The following VOPP1 variants were observed in gnomAD, a reference collection of about 807,000 sequenced individuals.
The protein encoded by VOPP1 is WW domain binding protein VOPP1.
VOPP1 carries 8 observed loss-of-function variants against 23.5 expected under a neutral mutation model. The observed-to-expected ratio is 0.34, with a 90% CI of 0.20 to 0.61. The LOEUF is 0.61. VOPP1 is among the 20% of genes least tolerant of loss of function. The pLI, the probability that VOPP1 is intolerant of heterozygous loss-of-function variation, is 0.78. For synonymous variants in VOPP1, 83 were observed against 97.3 expected (o/e 0.85, Z 0.86); for missense variants, 174 against 238.1 (o/e 0.73, Z 1.77).
downstream of VOPP1, among the ~76,000 whole-genome samples, chr7:55,435,084 C>T (rs1009830547): frequency 2.0e-5 from 3 of 152,230 alleles, no homozygotes; most frequent in African/African-American, 4.8e-5. Context: ...CTCTGCGCCG[C>T]GACTTCTATG....
intron 1 of VOPP1, among the ~76,000 whole-genome samples, chr7:55,571,392 C>T (rs1357233914): frequency 6.6e-6 from 1 of 152,220 alleles, no homozygotes; most frequent in Non-Finnish European, 1.5e-5. Context: ...GCATGGGATT[C>T]ATTACCTATT....
intron 2 of VOPP1, among the ~76,000 whole-genome samples, chr7:55,504,228 C>A (rs1794558166): frequency 6.6e-6 from 1 of 152,208 alleles, no homozygotes; most frequent in African/African-American, 2.4e-5. Flanking sequence ...CCAGCTAACC[C>A]TGCTTTTTAC....
chr7:55,435,278 C>T (rs1273394590), downstream of VOPP1, among the ~76,000 whole-genome samples: 1 of 152,116 alleles, frequency 6.6e-6, no homozygotes, highest in Non-Finnish European at 1.5e-5. Context: ...GGTGTGTGAC[C>T]CGAAAAAGGT....
At chr7:55,474,392 G>A (rs2129008567) in intron 4 of VOPP1, among the ~76,000 whole-genome samples, 1 of 152,318 alleles carries the variant, frequency 6.6e-6, no homozygotes, top group South Asian at 2.1e-4. Flanking sequence ...TAAAAAGAGG[G>A]CATTGCAACA....
chr7:55,543,459 G>A (rs1252306993), intron 1 of VOPP1, among the ~76,000 whole-genome samples: 3 of 152,154 alleles, frequency 2.0e-5, no homozygotes, highest in Admixed American at 6.5e-5. Context: ...AGATCATAAG[G>A]TAGTTCCATA....
At chr7:55,487,952 A>G (rs929978908) in intron 4 of VOPP1, among the ~76,000 whole-genome samples, 2 of 152,218 alleles carry the variant, frequency 1.3e-5, no homozygotes, top group Non-Finnish European at 2.9e-5. Context: ...CAGTTCCTAA[A>G]GAGCAGGGAG....
At chr7:55,440,281 T>C (rs924856364) in intron 4 of VOPP1, among the ~76,000 whole-genome samples, 1 of 152,210 alleles carries the variant, frequency 6.6e-6, no homozygotes, top group Non-Finnish European at 1.5e-5. Flanking sequence ...TGAAGCATGA[T>C]CTGGCTGGAC....
chr7:55,456,243 T>C (rs1051224035), intron 4 of VOPP1, among the ~76,000 whole-genome samples: 4 of 152,118 alleles, frequency 2.6e-5, no homozygotes, highest in South Asian at 2.1e-4. Context: ...CAAAACCACA[T>C]TGAGAAACCA....
At chr7:55,476,478 G>C (rs1022322477) in intron 4 of VOPP1, among the ~76,000 whole-genome samples, 1 of 152,074 alleles carries the variant, frequency 6.6e-6, no homozygotes, top group African/African-American at 2.4e-5. Context: ...GGATGCAAAA[G>C]AGTCCGGCAG....
intron 1 of VOPP1, among the ~76,000 whole-genome samples, chr7:55,554,140 T>C (rs1797721974): frequency 6.6e-6 from 1 of 152,198 alleles, no homozygotes; most frequent in Admixed American, 6.5e-5. Context: ...TTTTATCTCT[T>C]ATTGAGAGAT....
chr7:55,561,508 A>G, intron 1 of VOPP1, among the ~76,000 whole-genome samples: 1 of 152,006 alleles, frequency 6.6e-6, no homozygotes. Flanking sequence ...TAGGAGTTCA[A>G]GACCAGCCTA....
chr7:55,458,227 T>C (rs1321707971), intron 4 of VOPP1, among the ~76,000 whole-genome samples: 1 of 152,108 alleles, frequency 6.6e-6, no homozygotes, highest in Non-Finnish European at 1.5e-5. Context: ...GAAAATCAGT[T>C]GGTGGTAAAT....
intron 4 of VOPP1, among the ~76,000 whole-genome samples, chr7:55,442,328 G>A (rs1362842490): frequency 6.6e-6 from 1 of 152,196 alleles, no homozygotes; most frequent in Non-Finnish European, 1.5e-5. Flanking sequence ...GGTGGAGGAA[G>A]ACAGGCTATG....
chr7:55,538,281 C>A (rs1205927228), intron 1 of VOPP1, among the ~76,000 whole-genome samples: 1 of 152,216 alleles, frequency 6.6e-6, no homozygotes, highest in African/African-American at 2.4e-5. Context: ...ACTCTCTTCT[C>A]CAACTGAGCT....
intron 1 of VOPP1, among the ~76,000 whole-genome samples, chr7:55,543,110 T>A (rs564362949): frequency 1.3e-5 from 2 of 152,082 alleles, no homozygotes; most frequent in African/African-American, 4.8e-5. Context: ...AGAGACAGGG[T>A]TTCACCGTGT....
At chr7:55,556,471 A>G (rs1044359224) in intron 1 of VOPP1, among the ~76,000 whole-genome samples, 20 of 152,130 alleles carry the variant, frequency 1.3e-4, no homozygotes, top group African/African-American at 4.8e-4. Flanking sequence ...CAGTCTCTTA[A>G]TAACCAAAAT....
intron 1 of VOPP1, chr7:55,538,486 C>A: frequency 1.3e-6 from 1 of 767,718 alleles, no homozygotes; most frequent in Non-Finnish European, 2.0e-6. Context: ...TCCTGCCAGG[C>A]TACACAAACC....
At chr7:55,552,814 C>G in intron 1 of VOPP1, 7 of 1,463,290 alleles carry the variant, frequency 4.8e-6, no homozygotes, top group Non-Finnish European at 6.3e-6. Context: ...GGCTGAGTCA[C>G]TCAGCCATGC....
chr7:55,500,144 T>G (rs147077890), intron 2 of VOPP1, among the ~76,000 whole-genome samples: 15 of 152,270 alleles, frequency 9.9e-5, no homozygotes, highest in African/African-American at 3.1e-4. Context: ...AATGCAACCA[T>G]GGCCCGAAGA....
Sources: allele counts gnomAD v4.1 joint callset (sites outside exome capture counted in the v4.1 genomes callset), GRCh38; gene constraint gnomAD v4.1.1; transcripts MANE v1.5; gene names NCBI Gene and HGNC (gene_info 2026-07-23, HGNC 2026-07-21).